MACROD2: variants seen among roughly 807,000 people sequenced by gnomAD.
The protein encoded by MACROD2 is ADP-ribose glycohydrolase MACROD2.
A neutral mutation model predicts 70.4 loss-of-function variants in MACROD2; 36 were observed. That is an observed-to-expected ratio of 0.51 (90% CI 0.39 to 0.68). The LOEUF (loss-of-function observed/expected upper bound fraction) is 0.68. MACROD2 is among the 30% of genes least tolerant of loss of function. The pLI is 0.00. For synonymous variants in MACROD2, 172 were observed against 178.8 expected (o/e 0.96, Z 0.30); for missense variants, 496 against 538.4 (o/e 0.92, Z 0.78).
At chr20:14,366,918 G>A (rs1324097882) in intron 3 of MACROD2, among the ~76,000 whole-genome samples, 2 of 152,092 alleles carry the variant, frequency 1.3e-5, no homozygotes, top group Non-Finnish European at 2.9e-5. Flanking sequence ...GATTAGGAAA[G>A]GCTTGCTTCT....
chr20:15,484,263 C>T (rs907629157), intron 7 of MACROD2, among the ~76,000 whole-genome samples: 1 of 151,548 alleles, frequency 6.6e-6, no homozygotes, highest in African/African-American at 2.4e-5. Flanking sequence ...TAATGTACTA[C>T]GTAGAAGAAA....
intron 6 of MACROD2, among the ~76,000 whole-genome samples, chr20:15,424,922 G>C (rs1568798023): frequency 6.6e-6 from 1 of 152,220 alleles, no homozygotes; most frequent in Non-Finnish European, 1.5e-5. Context: ...CTGGGCAACT[G>C]CCATCCCTTG....
At chr20:14,850,478 A>G (rs1385193692) in intron 5 of MACROD2, 1 of 153,184 alleles carries the variant, frequency 6.5e-6, no homozygotes, top group African/African-American at 2.4e-5. Flanking sequence ...TGCAACTAGT[A>G]TTAAATATTT....
intron 8 of MACROD2, among the ~76,000 whole-genome samples, chr20:15,605,062 G>C (rs1173142564): frequency 2.0e-5 from 3 of 148,300 alleles, no homozygotes; most frequent in Non-Finnish European, 4.5e-5. Flanking sequence ...GATTTTTTTT[G>C]TTCTCTGAAA....
At chr20:14,064,406 A>G (rs1312714423) in intron 2 of MACROD2, among the ~76,000 whole-genome samples, 1 of 152,066 alleles carries the variant, frequency 6.6e-6, no homozygotes, top group African/African-American at 2.4e-5. Flanking sequence ...CTACCTGAGT[A>G]CTCTGCAGGA....
chr20:14,582,939 C>T (rs1884703), intron 4 of MACROD2, among the ~76,000 whole-genome samples: 1 of 151,862 alleles, frequency 6.6e-6, no homozygotes, highest in Non-Finnish European at 1.5e-5. Context: ...GGCAAAAATC[C>T]TCTGCACTCT....
chr20:14,851,192 T>C (rs550497301), intron 5 of MACROD2, among the ~76,000 whole-genome samples: 42 of 151,932 alleles, frequency 2.8e-4, no homozygotes, highest in African/African-American at 9.2e-4. Context: ...CACAGGTGAG[T>C]TTTTTGGTTT....
At chr20:15,616,889 A>T (rs761652117) in intron 8 of MACROD2, among the ~76,000 whole-genome samples, 3 of 152,158 alleles carry the variant, frequency 2.0e-5, no homozygotes, top group Non-Finnish European at 4.4e-5. Context: ...GTGTACCCAT[A>T]TGGGGTTCAA....
chr20:14,116,834 C>T (rs1339645961), intron 3 of MACROD2, among the ~76,000 whole-genome samples: 1 of 151,852 alleles, frequency 6.6e-6, no homozygotes, highest in Non-Finnish European at 1.5e-5. Flanking sequence ...TTTGGGAGGC[C>T]GAGGCAGTTG....
At chr20:15,565,501 A>G (rs2048298125) in intron 8 of MACROD2, among the ~76,000 whole-genome samples, 1 of 152,240 alleles carries the variant, frequency 6.6e-6, no homozygotes, top group Non-Finnish European at 1.5e-5. Flanking sequence ...TAAATAAAAT[A>G]CCAAATAGTG....
intron 3 of MACROD2, among the ~76,000 whole-genome samples, chr20:14,366,982 C>T (rs1303297073): frequency 6.6e-6 from 1 of 152,086 alleles, no homozygotes; most frequent in Non-Finnish European, 1.5e-5. Context: ...TCCTCATTTG[C>T]TTCTCTACTG....
chr20:14,040,964 T>C (rs746375317), intron 2 of MACROD2, among the ~76,000 whole-genome samples: 22 of 152,208 alleles, frequency 1.4e-4, no homozygotes, highest in Non-Finnish European at 7.3e-5. Context: ...AGAAGGAGTA[T>C]ACTTTGTTCT....
intron 8 of MACROD2, among the ~76,000 whole-genome samples, chr20:15,682,957 G>A (rs1298234797): frequency 7.1e-6 from 1 of 140,118 alleles, no homozygotes; most frequent in East Asian, 3.1e-4. Context: ...TCATGCTCTG[G>A]TAGCAATTTA....
chr20:14,820,031 C>T (rs1234907977), intron 5 of MACROD2, among the ~76,000 whole-genome samples: 2 of 152,048 alleles, frequency 1.3e-5, no homozygotes, highest in African/African-American at 4.8e-5. Flanking sequence ...TTCTGATGAT[C>T]ATCCCGGAGT....
chr20:15,076,644 C>T (rs16995288), intron 5 of MACROD2, among the ~76,000 whole-genome samples: 4,597 of 152,182 alleles, frequency 0.03, 258 homozygotes, highest in African/African-American at 0.11. Flanking sequence ...CACTTTTGTT[C>T]TTCATTACCA....
At chr20:16,041,146 C>A in intron 15 of MACROD2, 55 bp from the exon 16 acceptor site, 1 of 1,465,002 alleles carries the variant, frequency 6.8e-7, no homozygotes, top group South Asian at 1.2e-5. Context: ...ATGATTGGCC[C>A]TCAGGCTGTT....
At chr20:14,519,664 T>G (rs1404264451) in intron 4 of MACROD2, among the ~76,000 whole-genome samples, 5 of 152,134 alleles carry the variant, frequency 3.3e-5, no homozygotes, top group Non-Finnish European at 7.4e-5. Flanking sequence ...TGGCGATTCC[T>G]CAAAGAGCTA....
intron 6 of MACROD2, among the ~76,000 whole-genome samples, chr20:15,248,502 C>T (rs1160503857): frequency 6.6e-6 from 1 of 152,126 alleles, no homozygotes; most frequent in East Asian, 1.9e-4. Flanking sequence ...TCTTTACTTA[C>T]CAGTACCAGT....
intron 2 of MACROD2, among the ~76,000 whole-genome samples, chr20:14,078,164 A>G (rs1467079622): frequency 6.6e-6 from 1 of 151,996 alleles, no homozygotes; most frequent in East Asian, 1.9e-4. Context: ...GGCCTCCCAA[A>G]GTGCTGGGAT....
Sources: allele counts gnomAD v4.1 joint callset (sites outside exome capture counted in the v4.1 genomes callset), GRCh38; gene constraint gnomAD v4.1.1; transcripts MANE v1.5; gene names NCBI Gene and HGNC (gene_info 2026-07-23, HGNC 2026-07-21).